MDN1: variants seen among roughly 807,000 people sequenced by gnomAD.
MDN1 encodes the protein midasin AAA ATPase 1, also known as midasin.
MDN1 carries 266 observed loss-of-function variants against 669.2 expected under a neutral mutation model. The ratio of observed to expected loss-of-function variants is 0.40; its 90% CI spans 0.36 to 0.44. The LOEUF is 0.44. MDN1 is among the 20% of genes least tolerant of loss of function. The pLI is 1.00. For missense variants in MDN1, 5,940 were observed against 6,754.0 expected (o/e 0.88, Z 4.22); for synonymous variants, 2,385 against 2,457.1 (o/e 0.97, Z 0.87).
intron 85 of MDN1, among the ~76,000 whole-genome samples, chr6:89,663,697 G>A (rs989682736): frequency 1.3e-5 from 2 of 152,124 alleles, no homozygotes; most frequent in African/African-American, 4.8e-5. Flanking sequence ...CACTTTGGGA[G>A]GCTGAGGTGG....
At chr6:89,693,287 T>A (rs751977712) in intron 62 of MDN1, 139 bp from the exon 63 acceptor site, 1 of 628,096 alleles carries the variant, frequency 1.6e-6, no homozygotes, top group Non-Finnish European at 2.7e-6. Context: ...TCAGTTGTGA[T>A]AATACTGACA....
intron 59 of MDN1, among the ~76,000 whole-genome samples, chr6:89,697,753 T>A (rs1263626422): frequency 6.6e-6 from 1 of 152,020 alleles, no homozygotes; most frequent in East Asian, 1.9e-4. Context: ...AGCTAATTTT[T>A]GTATTTTTGG....
chr6:89,652,381 T>C (rs1010248748), intron 94 of MDN1, 100 bp from the exon 95 acceptor site: 30 of 830,562 alleles, frequency 3.6e-5, no homozygotes, highest in Non-Finnish European at 5.1e-5. Context: ...TCAAAGTACA[T>C]AGTCAAATGC....
intron 1 of MDN1, among the ~76,000 whole-genome samples, chr6:89,805,616 A>T (rs1353861132): frequency 1.3e-5 from 2 of 152,204 alleles, no homozygotes; most frequent in Admixed American, 1.3e-4. Flanking sequence ...TGAACACAGC[A>T]TAAATGTCAT....
chr6:89,696,026 G>T, intron 60 of MDN1, 34 bp from the exon 61 acceptor site: 1 of 1,567,870 alleles, frequency 6.4e-7, no homozygotes. Context: ...TGAAAGGTTT[G>T]TACTGTATCA....
intron 5 of MDN1, among the ~76,000 whole-genome samples, 185 bp from the exon 6 acceptor site, chr6:89,790,586 A>G (rs1401213679): frequency 6.6e-6 from 1 of 152,236 alleles, no homozygotes; most frequent in Admixed American, 6.5e-5. Flanking sequence ...CCATGCCCAT[A>G]GTCTCAGCTA....
chr6:89,815,288 G>T, intron 1 of MDN1: 1 of 473,938 alleles, frequency 2.1e-6, no homozygotes. Context: ...TAGCACCTAT[G>T]GGGAGCAGGA....
chr6:89,672,126 G>C (rs968145415), intron 82 of MDN1, 74 bp downstream of exon 82: 31 of 1,434,550 alleles, frequency 2.2e-5, no homozygotes, highest in Middle Eastern at 2.0e-4. Context: ...TCTACGTGGA[G>C]GGAAGTAAAG....
At position 89,671,170 on chromosome 6, in the gene MDN1, C is replaced by T. The variant is rs1048687865; in HGVS notation, c.13795-90G>A. ...GAACTAGATAGTGGTGGTAATTGCA[C>T]AACATTGTGAATGTACTAAATAGTA... is the stretch of plus-strand genomic sequence containing the variant. On this transcript the variant is annotated intron_variant, in intron 82 of 101. Transcript: ENST00000369393. The T allele has an allele frequency of 8.8e-5, 123 of 1,400,950 alleles. 1 individual carries two copies. The African/African-American group carries it at 1.4e-3, about 16-fold the overall frequency. 86.8% of individuals were successfully genotyped at this position (1,400,950 alleles called of 1,614,324 possible). A position where few individuals can be genotyped will look rare whatever the true frequency, so the allele number is the denominator to read the frequency against.
At chr6:89,780,720 C>T (rs1156412322) in intron 10 of MDN1, among the ~76,000 whole-genome samples, 1 of 149,538 alleles carries the variant, frequency 6.7e-6, no homozygotes, top group African/African-American at 2.5e-5. Context: ...TCTCGGCTCA[C>T]TGCAACCTCC....
In MDN1 at chr6:89,646,559, G is replaced by C; in HGVS notation, c.16440C>G (p.Leu5480=). 6.2e-7 allele frequency: 1 copy of C among 1,614,138 alleles called. No homozygotes were observed. The highest frequency in any genetic ancestry group is 1.3e-5 in the African/African-American group (1 of 75,058). The stretch of plus-strand genomic sequence containing the variant: ...GCTCACCTGAACTGATGTTCTGCGA[G>C]AGCTGCTGAGCAGCTGCAAACATGT... ...VANMFAAAQQ[L]SQNISSETAQ... The change falls in exon 100 of 102, where the codon CTC becomes CTG. Residue 5480 remains leucine, a synonymous_variant. Transcript: ENST00000369393.
intron 78 of MDN1, 32 bp downstream of exon 78, chr6:89,675,432 T>A: frequency 6.3e-7 from 1 of 1,580,734 alleles, no homozygotes. Context: ...TCTTCCCAAT[T>A]CATGCCACAA....
intron 72 of MDN1, 97 bp from the exon 73 acceptor site, chr6:89,683,427 A>G: frequency 1.1e-6 from 1 of 949,912 alleles, no homozygotes; most frequent in South Asian, 1.6e-5. Flanking sequence ...ACATAATCTA[A>G]TACCCTGTAC....
At chr6:89,796,324 CAAAAAAAAAAA>C (rs35169575) in intron 2 of MDN1, among the ~76,000 whole-genome samples, 15,955 of 46,038 alleles carry the variant, frequency 0.35, 1,355 homozygotes, top group Middle Eastern at 0.51. Flanking sequence ...AACTCTGTCT[CAAAAAAAAAAA>C]AAAAAAAAAA....
Position 89,780,882 on chromosome 6 carries a change from C to T in MDN1, c.1643+517G>A, listed in dbSNP as rs538790248. 1.3e-4 allele frequency among the ~76,000 whole-genome samples: 19 copies of T among 151,300 alleles called. No homozygotes were observed. The South Asian group carries it at 2.3e-3, about 18-fold the overall frequency. ...GCCAGGATGGTCTCGAACTCCTGATCTCATGATCCGCCCACCTCGGCCTCC... is the reference window on the plus strand; with the variant it reads ...GCCAGGATGGTCTCGAACTCCTGATTTCATGATCCGCCCACCTCGGCCTCC... On this transcript the variant is annotated intron_variant, in intron 10 of 101. Coordinates refer to ENST00000369393, the MANE Select transcript of MDN1 (RefSeq NM_014611.3).
In MDN1 at chr6:89,718,370, C is replaced by G. The variant is rs201615390; in HGVS notation, c.6579G>C (p.Lys2193Asn). ...RLNNKINSYC[K>N]AEFAKLVEEF... ...CAGAGATCCAAATATACATACCTGC[C>G]TTGCAGTATGAGTTGATTTTATTGT... The change falls in exon 43 of 102, where the codon AAG becomes AAC. Residue 2193 changes from lysine to asparagine, a missense_variant. Lys to Asn is a moderately conservative substitution (Grantham distance 94, BLOSUM62 0). Around this residue, in one of 5 missense-constraint regions of MDN1, gnomAD observed 2,292 missense variants for 2,638.3 expected, o/e 0.87. Coordinates refer to ENST00000369393, the MANE Select transcript of MDN1 (RefSeq NM_014611.3). The G allele has an allele frequency of 6.2e-7, 1 of 1,613,358 alleles. No homozygotes were observed. Among genetic ancestry groups the G allele is most frequent in the African/African-American group, 1.3e-5 (1 of 75,052 alleles).
In MDN1 at chr6:89,678,798, C is replaced by T. The variant is rs1213302495; in HGVS notation, c.12266-53G>A. On this transcript the variant is annotated intron_variant, in intron 74 of 101. Coordinates refer to ENST00000369393, the MANE Select transcript of MDN1 (RefSeq NM_014611.3). Reference sequence around the variant, plus strand: ...GAGACAATAAGAAAATCCCAGGGGTCTGGTAATGTGTTTGTTACCCAACAC... The same window carrying T: ...GAGACAATAAGAAAATCCCAGGGGTTTGGTAATGTGTTTGTTACCCAACAC... 5.1e-6 allele frequency: 8 copies of T among 1,566,460 alleles called. No individual in the cohort carries two copies. The East Asian group carries it at 1.1e-4, about 22-fold the overall frequency.
At chr6:89,808,983 G>A (rs541057675) in intron 1 of MDN1, among the ~76,000 whole-genome samples, 3 of 151,526 alleles carry the variant, frequency 2.0e-5, no homozygotes, top group East Asian at 2.0e-4. Context: ...TTGGGAGGCC[G>A]AGGCAGGAGG....
intron 40 of MDN1, among the ~76,000 whole-genome samples, chr6:89,719,611 G>A (rs536009318): frequency 2.6e-5 from 4 of 152,288 alleles, no homozygotes; most frequent in Non-Finnish European, 5.9e-5. Flanking sequence ...AAAGAAAAAT[G>A]ACCATTCATT....
Sources: gnomAD v4.1 joint callset for allele counts (sites outside exome capture counted in the v4.1 genomes callset) on GRCh38, gnomAD v4.1.1 for gene constraint, gnomAD v4.1.1 regional missense constraint, MANE v1.5 for transcripts, NCBI Gene and HGNC (gene_info 2026-07-23, HGNC 2026-07-21) for gene names.